The following ASTN2 variants were observed in gnomAD, a reference collection of about 807,000 sequenced individuals.
The protein encoded by ASTN2 is astrotactin 2, also known as astrotactin-2.
A neutral mutation model predicts 139.8 loss-of-function variants in ASTN2; 54 were observed. The ratio of observed to expected loss-of-function variants is 0.39; its 90% CI spans 0.31 to 0.48. The LOEUF is 0.48. Ranked by LOEUF, ASTN2 falls within the 20% of genes least tolerant of loss-of-function variation. The probability of loss-of-function intolerance (pLI) is 0.95; values close to 1 mark genes in which losing one functional copy is unlikely to be tolerated. For missense variants in ASTN2, 1,565 were observed against 1,725.1 expected (o/e 0.91, Z 1.64); for synonymous variants, 756 against 719.5 (o/e 1.05, Z -0.81).
chr9:117,183,226 T>C (rs926705649), intron 3 of ASTN2, among the ~76,000 whole-genome samples: 8 of 152,186 alleles, frequency 5.3e-5, no homozygotes, highest in Non-Finnish European at 1.0e-4. Context: ...ATAGCATCTC[T>C]GAGGGAAAGG....
chr9:116,436,550 T>C (rs1241383639), intron 22 of ASTN2, among the ~76,000 whole-genome samples: 1 of 152,194 alleles, frequency 6.6e-6, no homozygotes, highest in African/African-American at 2.4e-5. Flanking sequence ...ACAGATAATA[T>C]GTAAGTAAAC....
intron 1 of ASTN2, among the ~76,000 whole-genome samples, chr9:117,363,237 C>T (rs1006994267): frequency 1.3e-5 from 2 of 152,178 alleles, no homozygotes; most frequent in Non-Finnish European, 2.9e-5. Context: ...ATTCATGAAG[C>T]ATCTGTTAAT....
At chr9:116,815,617 A>C (rs1831292308) in intron 12 of ASTN2, among the ~76,000 whole-genome samples, 1 of 151,520 alleles carries the variant, frequency 6.6e-6, no homozygotes, top group Non-Finnish European at 1.5e-5. Context: ...CATCCTGGCA[A>C]ACACGGTGAA....
At chr9:116,870,017 A>T (rs544102351) in intron 10 of ASTN2, among the ~76,000 whole-genome samples, 6 of 151,422 alleles carry the variant, frequency 4.0e-5, no homozygotes, top group African/African-American at 1.5e-4. Context: ...AAGCTGAGGT[A>T]GGAGGATTGC....
intron 13 of ASTN2, among the ~76,000 whole-genome samples, chr9:116,749,448 C>T (rs2132151223): frequency 6.6e-6 from 1 of 152,294 alleles, no homozygotes; most frequent in South Asian, 2.1e-4. Flanking sequence ...GGGAATCCTT[C>T]CCGCCCGCCA....
At chr9:117,023,088 A>G (rs1837936923) in intron 6 of ASTN2, among the ~76,000 whole-genome samples, 1 of 152,200 alleles carries the variant, frequency 6.6e-6, no homozygotes, top group African/African-American at 2.4e-5. Flanking sequence ...GAAAGTCTTC[A>G]TGAGCATTAA....
chr9:116,682,704 T>G (rs1478750212), intron 16 of ASTN2, among the ~76,000 whole-genome samples: 1 of 152,130 alleles, frequency 6.6e-6, no homozygotes, highest in Non-Finnish European at 1.5e-5. Context: ...CCATAAAAAA[T>G]GATGAGTTCA....
At chr9:116,659,971 T>C (rs991405137) in intron 16 of ASTN2, among the ~76,000 whole-genome samples, 3 of 152,162 alleles carry the variant, frequency 2.0e-5, no homozygotes, top group South Asian at 2.1e-4. Flanking sequence ...TTTATGCTAT[T>C]AGATGTCTTA....
chr9:117,089,868 T>A (rs903607666), intron 5 of ASTN2, among the ~76,000 whole-genome samples: 2 of 152,268 alleles, frequency 1.3e-5, no homozygotes, highest in African/African-American at 4.8e-5. Flanking sequence ...TCATTCCTTT[T>A]TATGGTCAAG....
rs886063381 is a variant in ASTN2, at chr9:116,699,987, G to T, written c.2806+25784C>A. ...ATTAGGCACTTCCAAGGCTTTAGTAGAGAGAGCCACTTTAGCCCTTTGTGC... is the reference window on the plus strand; with the variant it reads ...ATTAGGCACTTCCAAGGCTTTAGTATAGAGAGCCACTTTAGCCCTTTGTGC... On this transcript the variant is annotated intron_variant, in intron 16 of 22. Transcript: ENST00000313400. This position sits in a 1 kb window ranked among gnomAD's most constrained non-coding sequence, Gnocchi z 4.2. The T allele has an allele frequency of 7.7e-6, 4 of 518,922 alleles. No individual in the cohort carries two copies. The highest frequency in any genetic ancestry group is 3.5e-6 in the Non-Finnish European group (1 of 282,998). 32.1% of individuals were successfully genotyped at this position (518,922 alleles called of 1,614,324 possible). A position where few individuals can be genotyped will look rare whatever the true frequency, so the allele number is the denominator to read the frequency against.
chr9:117,105,161 C>T (rs940623029), intron 4 of ASTN2, among the ~76,000 whole-genome samples: 1 of 152,120 alleles, frequency 6.6e-6, no homozygotes, highest in African/African-American at 2.4e-5. Context: ...TCCCTGCCCC[C>T]AAATCTAGGC....
chr9:116,481,997 C>G (rs1357111876), intron 20 of ASTN2, among the ~76,000 whole-genome samples: 2 of 152,172 alleles, frequency 1.3e-5, no homozygotes, highest in Admixed American at 6.5e-5. Flanking sequence ...CCCTTAAGCT[C>G]TAGCTTTCCC....
At chr9:117,071,386 G>A (rs1384321039) in intron 5 of ASTN2, among the ~76,000 whole-genome samples, 72 of 151,534 alleles carry the variant, frequency 4.8e-4, no homozygotes, top group Middle Eastern at 6.8e-3. Context: ...CTCCAGCTGC[G>A]TGCTGGGAGA....
At chr9:116,930,950 C>G (rs111829653) in intron 10 of ASTN2, among the ~76,000 whole-genome samples, 49 of 152,160 alleles carry the variant, frequency 3.2e-4, no homozygotes, top group Non-Finnish European at 4.9e-4. Flanking sequence ...CAGGCCCAGT[C>G]CTTCCCATCA....
At chr9:117,017,701 G>T (rs1336592970) in intron 6 of ASTN2, among the ~76,000 whole-genome samples, 1 of 151,872 alleles carries the variant, frequency 6.6e-6, no homozygotes, top group African/African-American at 2.4e-5. Context: ...TTTATTGTAG[G>T]GACAAAATGT....
At chr9:117,042,246 C>T (rs571876535) in intron 5 of ASTN2, among the ~76,000 whole-genome samples, 11 of 152,254 alleles carry the variant, frequency 7.2e-5, no homozygotes, top group South Asian at 6.2e-4. Flanking sequence ...TACAACAGCC[C>T]GTTGGGGTAT....
intron 19 of ASTN2, among the ~76,000 whole-genome samples, chr9:116,543,045 T>A (rs1851940702): frequency 6.6e-6 from 1 of 152,130 alleles, no homozygotes; most frequent in African/African-American, 2.4e-5. Flanking sequence ...TGGAACTCTC[T>A]TTTAAATTGA....
intron 11 of ASTN2, among the ~76,000 whole-genome samples, chr9:116,826,278 C>T (rs1320519817): frequency 6.6e-6 from 1 of 152,182 alleles, no homozygotes; most frequent in Non-Finnish European, 1.5e-5. Flanking sequence ...CTCAAGTGGG[C>T]CACACTCACC....
chr9:116,544,133 G>C (rs1017547638), intron 19 of ASTN2, among the ~76,000 whole-genome samples: 1 of 152,134 alleles, frequency 6.6e-6, no homozygotes, highest in Non-Finnish European at 1.5e-5. Flanking sequence ...AACTCTCCAA[G>C]GGCACTTAGT....
Sources: allele counts gnomAD v4.1 joint callset (sites outside exome capture counted in the v4.1 genomes callset), GRCh38; gene constraint gnomAD v4.1.1; non-coding constraint Gnocchi (gnomAD v3.1); transcripts MANE v1.5; gene names NCBI Gene and HGNC (gene_info 2026-07-23, HGNC 2026-07-21).